CD99: variants seen among roughly 807,000 people sequenced by gnomAD.
The protein encoded by CD99 is CD99 molecule (Xg blood group), also known as CD99 antigen.
CD99 carries 19 observed loss-of-function variants against 28.4 expected under a neutral mutation model. The observed-to-expected ratio is 0.67, with a 90% CI of 0.47 to 0.98. The LOEUF is 0.98. Among genes scored for constraint, CD99 ranks in the 50% least tolerant of loss-of-function variants. The pLI, the probability that CD99 is intolerant of heterozygous loss-of-function variation, is 0.00. For synonymous variants in CD99, 103 were observed against 92.1 expected, an observed-to-expected ratio of 1.12 and a Z score of -0.67; for missense variants, 283 against 248.8, an observed-to-expected ratio of 1.14 and a Z score of -0.92.
intron 9 of CD99, among the ~76,000 whole-genome samples, chrX:2,738,933 G>A (rs1406504252): frequency 3.3e-5 from 5 of 151,382 alleles, no homozygotes; most frequent in Admixed American, 2.0e-4. Context: ...CTGCAGCCTC[G>A]ATCTCCTGGG....
intron 8 of CD99, chrX:2,733,455 A>G: frequency 6.9e-7 from 1 of 1,448,532 alleles, no homozygotes; most frequent in South Asian, 1.2e-5. Flanking sequence ...CTTAAAGCAA[A>G]CCCTTCCATC....
At chrX:2,695,669 T>G in intron 1 of CD99, among the ~76,000 whole-genome samples, 1 of 151,164 alleles carries the variant, frequency 6.6e-6, no homozygotes, top group African/African-American at 2.4e-5. Context: ...TGTCTCACTG[T>G]GTCACCCAGG....
intron 8 of CD99, 114 bp downstream of exon 8, chrX:2,726,487 T>C: frequency 1.4e-6 from 1 of 738,180 alleles, no homozygotes; most frequent in Non-Finnish European, 2.5e-6. Context: ...GCACGATGGC[T>C]GATGGTTCGT....
chrX:2,737,000 T>C (rs1404952092), intron 8 of CD99, among the ~76,000 whole-genome samples: 1 of 151,536 alleles, frequency 6.6e-6, no homozygotes, highest in Admixed American at 6.6e-5. Flanking sequence ...CTGGGGAAGC[T>C]CTTAGTGCTC....
chrX:2,719,676 T>G lies in CD99; in HGVS notation c.164T>G (p.Leu55Ter). ...KKPSAGDDFD[L>*]GDAVVDGEND... The stretch of plus-strand genomic sequence containing the variant: ...CCTCTTTTAGGGGATGACTTTGACT[T>G]AGGAGATGCTGTTGTTGATGGAGAA... Residue 55 changes from leucine (L) to a stop codon, truncating the protein, a stop_gained, in exon 4 of 10, where the codon TTA becomes TGA. Transcript: ENST00000381192. LOFTEE classifies it high-confidence loss of function. The G allele has an allele frequency of 6.2e-7, 1 of 1,613,898 alleles. No individual in the cohort carries two copies. Among genetic ancestry groups the G allele is most frequent in the Non-Finnish European group, 8.5e-7 (1 of 1,179,822 alleles).
At chrX:2,706,753 T>C (rs904961393) in intron 1 of CD99, among the ~76,000 whole-genome samples, 6 of 152,144 alleles carry the variant, frequency 3.9e-5, no homozygotes, top group Non-Finnish European at 1.5e-5. Context: ...TACTATGTAA[T>C]GATTGTGTTA....
chrX:2,719,422 C>T lies in CD99; in HGVS notation c.149-239C>T, dbSNP rs765298245. Reference sequence around the variant, plus strand: ...CTCCCCACTGCCTCTCCTCTGAGAGCTTCTCTCCTAGCTTTTTATCTGTCT... The same window carrying T: ...CTCCCCACTGCCTCTCCTCTGAGAGTTTCTCTCCTAGCTTTTTATCTGTCT... On this transcript the variant is annotated intron_variant, in intron 3 of 9. Transcript: ENST00000381192. 2.2e-5 allele frequency: 12 copies of T among 546,498 alleles called. No homozygotes were observed. The East Asian group carries it at 3.2e-4, about 15-fold the overall frequency. The allele number at this position is 546,498 out of a possible 1,614,324, so 33.9% of individuals were successfully genotyped here.
intron 8 of CD99, 152 bp downstream of exon 8, chrX:2,726,525 C>A: frequency 1.4e-6 from 1 of 701,938 alleles, no homozygotes. Context: ...GGAATCGAAC[C>A]TTCTGGCTTT....
intron 1 of CD99, among the ~76,000 whole-genome samples, chrX:2,709,823 G>A (rs759189539): frequency 6.6e-6 from 1 of 152,364 alleles, no homozygotes; most frequent in Admixed American, 6.5e-5. Flanking sequence ...CACATGAAGA[G>A]CTGTTGAATG....
At chrX:2,709,496 ACACT>A (rs755363578) in intron 1 of CD99, among the ~76,000 whole-genome samples, 216 of 152,356 alleles carry the variant, frequency 1.4e-3, no homozygotes, top group African/African-American at 5.0e-3. Context: ...TGCATTCAGC[ACACT>A]CACAATGCAC....
chrX:2,708,847 C>T (rs2048244859), intron 1 of CD99, among the ~76,000 whole-genome samples: 1 of 152,160 alleles, frequency 6.6e-6, no homozygotes, highest in Non-Finnish European at 1.5e-5. Context: ...GGGAAGTTGG[C>T]AATCCAGGCT....
intron 1 of CD99, among the ~76,000 whole-genome samples, chrX:2,699,920 G>A (rs893485441): frequency 2.0e-5 from 3 of 152,166 alleles, no homozygotes; most frequent in African/African-American, 7.2e-5. Flanking sequence ...ATTTTTCAAA[G>A]AGCATTCAGT....
chrX:2,733,728 A>G (rs1468585455), intron 8 of CD99: 3 of 352,556 alleles, frequency 8.5e-6, no homozygotes, highest in Admixed American at 8.1e-5. Flanking sequence ...TGCCAAGGGA[A>G]CAAACTGGGG....
intron 3 of CD99, 23 bp downstream of exon 3, chrX:2,717,675 A>G: frequency 6.2e-7 from 1 of 1,607,722 alleles, no homozygotes; most frequent in East Asian, 2.2e-5. Flanking sequence ...TCTTCCTAGT[A>G]TGCAAAGAAA....
intron 8 of CD99, 79 bp from the exon 9 acceptor site, chrX:2,738,121 C>T: frequency 1.5e-6 from 2 of 1,336,532 alleles, no homozygotes; most frequent in Non-Finnish European, 1.1e-6. Context: ...TCAGGAAAGC[C>T]CAAGTGTTTT....
intron 1 of CD99, among the ~76,000 whole-genome samples, chrX:2,707,654 G>A (rs1454174609): frequency 1.3e-5 from 2 of 152,178 alleles, no homozygotes; most frequent in African/African-American, 4.8e-5. Flanking sequence ...GCTTTGAGAG[G>A]GCCGGGTGGA....
chrX:2,735,130 T>C (rs2049870721), intron 8 of CD99, among the ~76,000 whole-genome samples: 2 of 152,234 alleles, frequency 1.3e-5, no homozygotes, highest in South Asian at 4.1e-4. Context: ...CCAGAGTGTC[T>C]GTCCTAACAC....
intron 8 of CD99, among the ~76,000 whole-genome samples, chrX:2,736,717 C>A (rs747324723): frequency 6.6e-6 from 1 of 151,782 alleles, no homozygotes; most frequent in Non-Finnish European, 1.5e-5. Flanking sequence ...ATTAGCCAGG[C>A]GTGGTGGTGC....
rs771571075 is a variant in CD99, at chrX:2,714,487, C to T, written c.100+33C>T. On this transcript the variant is annotated intron_variant, in intron 2 of 9. Transcript: ENST00000381192. ...TCAACATCATTTTTTAAAATCCCGTCAATATTTTATGTTAACATAGTATAT... is the reference window on the plus strand; with the variant it reads ...TCAACATCATTTTTTAAAATCCCGTTAATATTTTATGTTAACATAGTATAT... 1.9e-6 allele frequency: 3 copies of T among 1,559,130 alleles called. No individual in the cohort carries two copies. In the African/African-American group the frequency reaches 4.0e-5, roughly 21 times the overall value.
Sources: gnomAD v4.1 joint callset for allele counts (sites outside exome capture counted in the v4.1 genomes callset) on GRCh38, gnomAD v4.1.1 for gene constraint, MANE v1.5 for transcripts, NCBI Gene and HGNC (gene_info 2026-07-23, HGNC 2026-07-21) for gene names.